RYR3: variants seen among roughly 807,000 people sequenced by gnomAD.
RYR3 encodes ryanodine receptor 3.
A neutral mutation model predicts 584.3 loss-of-function variants in RYR3; 207 were observed. The ratio of observed to expected loss-of-function variants is 0.35; its 90% CI spans 0.32 to 0.40. RYR3 has a LOEUF of 0.40. Ranked by LOEUF, RYR3 falls within the 10% of genes least tolerant of loss-of-function variation. The pLI, the probability that RYR3 is intolerant of heterozygous loss-of-function variation, is 1.00. For missense variants in RYR3, 5,616 were observed against 6,089.2 expected, an observed-to-expected ratio of 0.92 and a Z score of 2.59; for synonymous variants, 2,416 against 2,248.5, an observed-to-expected ratio of 1.07 and a Z score of -2.11.
At chr15:33,846,347 A>C (rs2078723271) in intron 93 of RYR3, among the ~76,000 whole-genome samples, 1 of 152,192 alleles carries the variant, frequency 6.6e-6, no homozygotes, top group South Asian at 2.1e-4. Flanking sequence ...GAGGCACTAC[A>C]CAAAGGCATG....
At chr15:33,810,794 A>G (rs1158108319) in intron 71 of RYR3, 145 bp downstream of exon 71, 10 of 1,125,948 alleles carry the variant, frequency 8.9e-6, no homozygotes, top group Middle Eastern at 2.1e-4. Flanking sequence ...ACACGCCCTC[A>G]TCTTTAAAAC....
intron 99 of RYR3, 102 bp from the exon 100 acceptor site, chr15:33,859,473 T>C (rs2153012955): frequency 2.2e-6 from 3 of 1,353,070 alleles, no homozygotes; most frequent in Non-Finnish European, 3.1e-6. Flanking sequence ...TCTCGTGGCT[T>C]AGGGCTGCCA....
intron 2 of RYR3, among the ~76,000 whole-genome samples, chr15:33,500,457 T>C (rs77327323): frequency 4.3e-4 from 66 of 152,356 alleles, no homozygotes; most frequent in Non-Finnish European, 7.6e-4. Flanking sequence ...ATATAGACCT[T>C]GCCTCCTACT....
chr15:33,363,572 C>T (rs148254962), intron 1 of RYR3, among the ~76,000 whole-genome samples: 183 of 152,056 alleles, frequency 1.2e-3, no homozygotes, highest in African/African-American at 3.9e-3. Flanking sequence ...TATTTGTATC[C>T]GTATTTTTTT....
At chr15:33,320,064 C>T (rs1332998482) in intron 1 of RYR3, among the ~76,000 whole-genome samples, 3 of 152,180 alleles carry the variant, frequency 2.0e-5, no homozygotes, top group Non-Finnish European at 2.9e-5. Context: ...AAGCAAAACA[C>T]ATCTGCAGCA....
Position 33,481,614 on chromosome 15 carries a change from G to T in RYR3, c.171+8076G>T, listed in dbSNP as rs550207636. 1.2e-4 allele frequency among the ~76,000 whole-genome samples: 18 copies of T among 151,996 alleles called. No homozygotes were observed. In the East Asian group the frequency reaches 3.3e-3, roughly 28 times the overall value. On this transcript the variant is annotated intron_variant, in intron 2 of 103. Transcript: ENST00000634891. ...TCCTGCCTCAGTCTCCCAAGTAGCT[G>T]GGATTACAGGCACCTGCCACCAGGC...
At chr15:33,688,986 C>T (rs2065214216) in intron 38 of RYR3, among the ~76,000 whole-genome samples, 1 of 151,956 alleles carries the variant, frequency 6.6e-6, no homozygotes, top group Admixed American at 6.6e-5. Flanking sequence ...AAATGTCCAT[C>T]AATGATAGAC....
At chr15:33,389,118 C>T (rs902631270) in intron 1 of RYR3, among the ~76,000 whole-genome samples, 2 of 150,714 alleles carry the variant, frequency 1.3e-5, no homozygotes, top group Non-Finnish European at 3.0e-5. Flanking sequence ...AGGAGATATA[C>T]CTAATATTAA....
intron 1 of RYR3, among the ~76,000 whole-genome samples, chr15:33,399,259 C>A (rs1478605868): frequency 6.6e-6 from 1 of 152,138 alleles, no homozygotes; most frequent in East Asian, 1.9e-4. Context: ...TAAAGGACAG[C>A]ATTTATAGCG....
Position 33,754,207 on chromosome 15 carries a change from C to A in RYR3, c.8400-858C>A, listed in dbSNP as rs548502161. Among the ~76,000 whole-genome samples, 3 of 152,264 alleles carry A rather than the reference C, an allele frequency of 2.0e-5. No homozygotes were observed. In the South Asian group the frequency reaches 6.2e-4, roughly 32 times the overall value. The stretch of plus-strand genomic sequence containing the variant: ...ACTTCATGCTATCCTCATCCTCCTG[C>A]CTGTGCTCCCTGCTTCTACACTTGA... On this transcript the variant is annotated intron_variant, in intron 57 of 103. Coordinates refer to ENST00000634891, the MANE Select transcript of RYR3 (RefSeq NM_001036.6).
intron 32 of RYR3, 28 bp downstream of exon 32, chr15:33,652,911 G>A (rs1299510329): frequency 1.3e-6 from 2 of 1,589,598 alleles, no homozygotes; most frequent in African/African-American, 1.4e-5. Flanking sequence ...GGCCGAAACA[G>A]GGCTATCCCA....
chr15:33,375,716 T>C (rs1189028764), intron 1 of RYR3, among the ~76,000 whole-genome samples: 1 of 152,232 alleles, frequency 6.6e-6, no homozygotes, highest in East Asian at 1.9e-4. Context: ...AATCTACAAT[T>C]TGCTGAATTT....
chr15:33,633,149 A>T (rs201566911), intron 24 of RYR3, 41 bp downstream of exon 24: 1 of 1,602,708 alleles, frequency 6.2e-7, no homozygotes, highest in African/African-American at 1.3e-5. Context: ...AACTTAGAAG[A>T]TATGATCATC....
intron 69 of RYR3, among the ~76,000 whole-genome samples, chr15:33,806,039 C>T (rs531725439): frequency 2.0e-5 from 3 of 152,026 alleles, no homozygotes; most frequent in Admixed American, 6.6e-5. Flanking sequence ...ATTCTCAGAC[C>T]GACTTACAGA....
chr15:33,749,360 T>A (rs945015409), intron 55 of RYR3, among the ~76,000 whole-genome samples: 1 of 152,058 alleles, frequency 6.6e-6, no homozygotes, highest in Admixed American at 6.6e-5. Context: ...CTCCCGTTGC[T>A]CCCCTCCTGT....
At chr15:33,789,986 C>CTTGTTTTT (rs2075050645) in intron 67 of RYR3, among the ~76,000 whole-genome samples, 2 of 53,250 alleles carry the variant, frequency 3.8e-5, no homozygotes, top group African/African-American at 1.1e-4. Flanking sequence ...GCCTGGCCTT[C>CTTGTTTTT]TTTTTTTTTT....
chr15:33,807,089 G>A (rs866656106), intron 69 of RYR3, among the ~76,000 whole-genome samples: 1 of 152,064 alleles, frequency 6.6e-6, no homozygotes, highest in Non-Finnish European at 1.5e-5. Context: ...TTGCCCCTTA[G>A]GTCAGTTCTC....
At chr15:33,599,210 T>C (rs1048246788) in intron 16 of RYR3, among the ~76,000 whole-genome samples, 1 of 152,148 alleles carries the variant, frequency 6.6e-6, no homozygotes, top group South Asian at 2.1e-4. Flanking sequence ...CAAGCACCGA[T>C]AGGAGATTTG....
chr15:33,507,386 T>A (rs1177563760), intron 3 of RYR3, among the ~76,000 whole-genome samples: 1 of 152,174 alleles, frequency 6.6e-6, no homozygotes, highest in East Asian at 1.9e-4. Flanking sequence ...CAGAGAACAT[T>A]TTGTGCCTCT....
Sources: allele counts gnomAD v4.1 joint callset (sites outside exome capture counted in the v4.1 genomes callset), GRCh38; gene constraint gnomAD v4.1.1; transcripts MANE v1.5; gene names NCBI Gene and HGNC (gene_info 2026-07-23, HGNC 2026-07-21).